Variants in CSMD1 observed in about 807,000 individuals in gnomAD.
The protein encoded by CSMD1 is CUB and sushi domain-containing protein 1.
A neutral mutation model predicts 417.5 loss-of-function variants in CSMD1; 213 were observed. That is an observed-to-expected ratio of 0.51 (90% CI 0.46 to 0.57). CSMD1 has a LOEUF of 0.57. Among genes scored for constraint, CSMD1 ranks in the 20% least tolerant of loss-of-function variants. CSMD1 has a pLI of 0.00. For missense variants in CSMD1, 6,923 were observed against 4,529.7 expected (o/e 1.53, Z -15.17); for synonymous variants, 2,862 against 1,736.8 (o/e 1.65, Z -16.11).
At chr8:4,068,675 A>C (rs1288221671) in intron 3 of CSMD1, among the ~76,000 whole-genome samples, 1 of 152,204 alleles carries the variant, frequency 6.6e-6, no homozygotes, top group Non-Finnish European at 1.5e-5. Context: ...GGAAAAGATA[A>C]AACTATTATT....
intron 5 of CSMD1, among the ~76,000 whole-genome samples, chr8:3,834,158 T>C (rs1367262909): frequency 1.3e-5 from 2 of 152,212 alleles, no homozygotes; most frequent in Middle Eastern, 3.2e-3. Flanking sequence ...TTTATCTATA[T>C]ATACCTATTT....
At chr8:4,767,720 A>G (rs1467305434) in intron 1 of CSMD1, among the ~76,000 whole-genome samples, 3 of 152,070 alleles carry the variant, frequency 2.0e-5, no homozygotes, top group Non-Finnish European at 4.4e-5. Flanking sequence ...ATGAAACACC[A>G]CTTCTGTGCT....
chr8:3,958,313 ACTCT>A (rs199784575), intron 5 of CSMD1, among the ~76,000 whole-genome samples: 22,847 of 91,566 alleles, frequency 0.25, 2,188 homozygotes, highest in African/African-American at 0.36. Flanking sequence ...ATTTTTTTAA[ACTCT>A]CTCTTTTTTT....
intron 1 of CSMD1, among the ~76,000 whole-genome samples, chr8:4,819,761 C>T (rs963296514): frequency 1.8e-4 from 27 of 152,130 alleles, no homozygotes; most frequent in African/African-American, 6.5e-4. Context: ...AGGGACCTGG[C>T]TGCTTTTCCA....
intron 1 of CSMD1, among the ~76,000 whole-genome samples, chr8:4,711,960 G>A (rs1404483372): frequency 1.3e-5 from 2 of 152,158 alleles, no homozygotes; most frequent in Non-Finnish European, 2.9e-5. Context: ...CTCATTTGCG[G>A]TACAGTTTTA....
At chr8:4,800,226 G>A (rs923611377) in intron 1 of CSMD1, among the ~76,000 whole-genome samples, 16 of 152,154 alleles carry the variant, frequency 1.1e-4, no homozygotes, top group African/African-American at 3.6e-4. Context: ...ATCACCTGAG[G>A]TCAGGAGTTG....
At position 3,705,303 on chromosome 8, in the gene CSMD1, C is replaced by T. The variant is rs1202486726; in HGVS notation, c.1009+3111G>A. Among the ~76,000 whole-genome samples, 4 of 152,138 alleles carry T rather than the reference C, an allele frequency of 2.6e-5. No individual in the cohort carries two copies. The South Asian group carries it at 8.3e-4, about 31-fold the overall frequency. ...GAGCTGTGACCTCTGATTTTTGTGC[C>T]TTGGAGCAGAGACAGCTTCAGGGGG... is the stretch of plus-strand genomic sequence containing the variant. On this transcript the variant is annotated intron_variant, in intron 7 of 69. Coordinates refer to ENST00000635120, the MANE Select transcript of CSMD1 (RefSeq NM_033225.6).
Position 2,996,786 on chromosome 8 carries a change from C to A in CSMD1, c.8377+1225G>T, listed in dbSNP as rs1210434390. ...AGAGATCATTTCAACCCTAATTCTG[C>A]ACATCAGATATTTCCCATGTAATTA... On this transcript the variant is annotated intron_variant, in intron 54 of 69. Coordinates refer to ENST00000635120, the MANE Select transcript of CSMD1 (RefSeq NM_033225.6). 2.0e-5 allele frequency among the ~76,000 whole-genome samples: 3 copies of A among 152,208 alleles called. No homozygotes were observed. The East Asian group carries it at 5.8e-4, about 29-fold the overall frequency.
At chr8:3,926,108 C>CACAAACACCAT (rs1719060430) in intron 5 of CSMD1, among the ~76,000 whole-genome samples, 3 of 79,228 alleles carry the variant, frequency 3.8e-5, no homozygotes, top group Admixed American at 2.6e-4. Flanking sequence ...CACACACACA[C>CACAAACACCAT]ACACACACAC....
chr8:4,077,146 T>C (rs1010313483), intron 3 of CSMD1, among the ~76,000 whole-genome samples: 2 of 151,618 alleles, frequency 1.3e-5, no homozygotes, highest in Non-Finnish European at 2.9e-5. Context: ...GAAAGTTAAA[T>C]GACGCATCCA....
intron 1 of CSMD1, among the ~76,000 whole-genome samples, chr8:4,901,430 G>C (rs568494365): frequency 1.3e-5 from 2 of 152,094 alleles, no homozygotes; most frequent in African/African-American, 2.4e-5. Context: ...CATTATTCAA[G>C]TTTTCATAGA....
At chr8:4,805,135 T>G (rs1160599404) in intron 1 of CSMD1, among the ~76,000 whole-genome samples, 1 of 152,236 alleles carries the variant, frequency 6.6e-6, no homozygotes, top group Non-Finnish European at 1.5e-5. Context: ...GACCTGATTC[T>G]GCAGGGACGA....
At chr8:3,191,971 G>A (rs142454597) in intron 33 of CSMD1, among the ~76,000 whole-genome samples, 28 of 152,076 alleles carry the variant, frequency 1.8e-4, no homozygotes, top group Admixed American at 1.4e-3. Flanking sequence ...ATCTTCCCAC[G>A]GCTTTTTCTG....
intron 37 of CSMD1, among the ~76,000 whole-genome samples, chr8:3,168,640 C>CACACACACACAA (rs1473282694): frequency 2.0e-5 from 3 of 151,924 alleles, no homozygotes; most frequent in African/African-American, 7.3e-5. Flanking sequence ...ATCACACACA[C>CACACACACACAA]ACACACACAC....
At chr8:3,281,250 C>A (rs927399700) in intron 26 of CSMD1, among the ~76,000 whole-genome samples, 1 of 152,032 alleles carries the variant, frequency 6.6e-6, no homozygotes, top group Non-Finnish European at 1.5e-5. Flanking sequence ...TGACACTAGC[C>A]TGGACAGGAT....
intron 10 of CSMD1, among the ~76,000 whole-genome samples, chr8:3,548,034 G>T (rs1206826012): frequency 6.6e-6 from 1 of 151,928 alleles, no homozygotes; most frequent in Non-Finnish European, 1.5e-5. Context: ...TCCTGGAGAG[G>T]GGTAACCACC....
intron 2 of CSMD1, among the ~76,000 whole-genome samples, chr8:4,602,675 G>A (rs1305422269): frequency 6.6e-6 from 1 of 152,126 alleles, no homozygotes; most frequent in Non-Finnish European, 1.5e-5. Flanking sequence ...TTCTTGGCTT[G>A]AAATGACTTA....
chr8:3,151,467 G>A lies in CSMD1; in HGVS notation c.5961C>T (p.Ser1987=), dbSNP rs747140153. 1.8e-5 allele frequency: 29 copies of A among 1,613,610 alleles called. No individual in the cohort carries two copies. Among genetic ancestry groups the A allele is most frequent in the Non-Finnish European group, 2.4e-5 (28 of 1,179,858 alleles). The change falls in exon 40 of 70, where the codon AGC becomes AGT. Residue 1987 remains serine (S), a synonymous_variant. Transcript: ENST00000635120. ...TLSTLGGVIL[S]PGFPGSYPNN... ...TGGGGTAAGAACCTGGGAAGCCGGG[G>A]CTCAGGATCACACCACCCAAGGTGC...
intron 2 of CSMD1, among the ~76,000 whole-genome samples, chr8:4,446,740 T>TGC (rs1474577490): frequency 3.7e-4 from 44 of 117,866 alleles, no homozygotes; most frequent in Non-Finnish European, 7.2e-4. Flanking sequence ...TGTCTGTGTG[T>TGC]GTGTGTGTGT....
Sources: gnomAD v4.1 joint callset for allele counts (sites outside exome capture counted in the v4.1 genomes callset) on GRCh38, gnomAD v4.1.1 for gene constraint, MANE v1.5 for transcripts, NCBI Gene and HGNC (gene_info 2026-07-23, HGNC 2026-07-21) for gene names.